IFT81: variants seen among roughly 807,000 people sequenced by gnomAD.
IFT81 encodes intraflagellar transport 81, also known as intraflagellar transport protein 81 homolog.
A neutral mutation model predicts 102.6 loss-of-function variants in IFT81; 72 were observed. That is an observed-to-expected ratio of 0.70 (90% CI 0.58 to 0.85). IFT81 has a LOEUF of 0.85. IFT81 is among the 40% of genes least tolerant of loss of function. The pLI is 0.00. For missense variants in IFT81, 723 were observed against 787.3 expected (o/e 0.92, Z 0.98); for synonymous variants, 237 against 242.7 (o/e 0.98, Z 0.22).
At chr12:110,160,287 C>T (rs749372749) in intron 10 of IFT81, among the ~76,000 whole-genome samples, 8 of 152,132 alleles carry the variant, frequency 5.3e-5, no homozygotes, top group Non-Finnish European at 1.2e-4. Context: ...AATCCAATAG[C>T]GGCTCAGTCC....
chr12:110,135,219 G>A, intron 6 of IFT81, 108 bp from the exon 7 acceptor site: 1 of 757,068 alleles, frequency 1.3e-6, no homozygotes, highest in Non-Finnish European at 2.2e-6. Flanking sequence ...TCTCTAGGGA[G>A]TACTGTTTAC....
At chr12:110,199,253 T>G (rs1898152206) in intron 14 of IFT81, among the ~76,000 whole-genome samples, 1 of 152,224 alleles carries the variant, frequency 6.6e-6, no homozygotes. Context: ...TCACTCCTAA[T>G]GAATTGATTT....
intron 8 of IFT81, among the ~76,000 whole-genome samples, chr12:110,141,290 G>A (rs1894874203): frequency 6.6e-6 from 1 of 150,494 alleles, no homozygotes; most frequent in Non-Finnish European, 1.5e-5. Context: ...CGCCTGCCTT[G>A]GCCTCTCAAA....
At chr12:110,159,912 C>G (rs1372328611) in intron 10 of IFT81, among the ~76,000 whole-genome samples, 1 of 152,196 alleles carries the variant, frequency 6.6e-6, no homozygotes, top group African/African-American at 2.4e-5. Flanking sequence ...ACTGTCCAAG[C>G]TTTCCACTGG....
At chr12:110,177,496 C>T (rs1593339577) in intron 11 of IFT81, among the ~76,000 whole-genome samples, 3 of 152,164 alleles carry the variant, frequency 2.0e-5, no homozygotes, top group African/African-American at 4.8e-5. Flanking sequence ...ACTGGCCAGG[C>T]TGGTCTCAAA....
intron 11 of IFT81, among the ~76,000 whole-genome samples, chr12:110,177,352 G>A (rs1414089628): frequency 1.3e-5 from 2 of 152,030 alleles, no homozygotes; most frequent in Non-Finnish European, 2.9e-5. Context: ...GCACAATCTC[G>A]GCTCACTGCA....
At chr12:110,176,674 A>G (rs1593338720) in intron 11 of IFT81, among the ~76,000 whole-genome samples, 3 of 152,248 alleles carry the variant, frequency 2.0e-5, no homozygotes, top group African/African-American at 4.8e-5. Context: ...TAATTCTGGA[A>G]TAGTAGAGCC....
chr12:110,171,467 G>A lies in IFT81; in HGVS notation c.1188+8402G>A, dbSNP rs561865421. ...GATTTCTACCCGCATATATCATATCGATTATTACAGACTCTCTTAAAAGAC... is the reference window on the plus strand; with the variant it reads ...GATTTCTACCCGCATATATCATATCAATTATTACAGACTCTCTTAAAAGAC... On this transcript the variant is annotated intron_variant, in intron 11 of 18. Transcript: ENST00000242591. Among the ~76,000 whole-genome samples, 4 of 152,144 alleles carry A rather than the reference G, an allele frequency of 2.6e-5. No individual in the cohort carries two copies. The East Asian group carries it at 7.7e-4, about 29-fold the overall frequency.
At chr12:110,187,757 G>C (rs1454460393) in intron 12 of IFT81, among the ~76,000 whole-genome samples, 3 of 151,852 alleles carry the variant, frequency 2.0e-5, no homozygotes, top group African/African-American at 7.3e-5. Flanking sequence ...TTTTTGTTTT[G>C]TTTTGTTTTT....
rs1180876672 is a variant in IFT81 at position 110,127,368 on chromosome 12, A to G, written c.-13A>G. ...CTATTTTTACTCTTTAGTTAAAATT[A>G]TAAGACCTAATTATGAGTGATCAAA... On this transcript the variant is annotated 5_prime_UTR_variant, in exon 2 of 19. Transcript: ENST00000242591. 5 of 1,520,662 alleles carry G rather than the reference A, an allele frequency of 3.3e-6. No homozygotes were observed. Among genetic ancestry groups the G allele is most frequent in the Non-Finnish European group, 4.4e-6 (5 of 1,141,226 alleles). 94.2% of individuals were successfully genotyped at this position (1,520,662 alleles called of 1,614,324 possible).
intron 14 of IFT81, among the ~76,000 whole-genome samples, chr12:110,197,975 G>T (rs1898090745): frequency 6.6e-6 from 1 of 152,146 alleles, no homozygotes. Flanking sequence ...GCCTCCCAAA[G>T]TACTGGGATT....
At chr12:110,157,701 G>A (rs972090637) in intron 10 of IFT81, among the ~76,000 whole-genome samples, 3 of 152,126 alleles carry the variant, frequency 2.0e-5, no homozygotes, top group African/African-American at 7.2e-5. Flanking sequence ...CTTAGGCTCT[G>A]TTCACTTTTC....
chr12:110,205,680 G>T lies in IFT81; in HGVS notation c.1802G>T (p.Arg601Met). ...CAACAAGAAAAAAGAAAGGCAATTA[G>T]GCAAGTGATTTTGTTGTTTTATATT... The part of the protein sequence containing the change: ...SDQQEKRKAI[R>M]EQYTKNTAEQ... Residue 601 changes from arginine to methionine, a missense_variant and splice_region_variant, in exon 17 of 19, where the codon AGG becomes ATG. Physicochemically the swap from Arg to Met is moderately conservative, Grantham distance 91. Transcript: ENST00000242591. 6.4e-7 allele frequency: 1 copy of T among 1,570,290 alleles called. No homozygotes were observed. Among genetic ancestry groups the T allele is most frequent in the Non-Finnish European group, 8.6e-7 (1 of 1,160,886 alleles).
intron 12 of IFT81, among the ~76,000 whole-genome samples, chr12:110,190,494 G>A (rs1897743688): frequency 6.6e-6 from 1 of 151,756 alleles, no homozygotes; most frequent in Non-Finnish European, 1.5e-5. Flanking sequence ...TAAGCTCTGT[G>A]AGGGAAGGGA....
In IFT81 at chr12:110,135,446, A is replaced by G; in HGVS notation, c.696+9A>G. 1 of 1,452,444 alleles carries G rather than the reference A, an allele frequency of 6.9e-7. No individual in the cohort carries two copies. The highest frequency in any genetic ancestry group is 9.6e-7 in the Non-Finnish European group (1 of 1,038,352). The allele number at this position is 1,452,444 out of a possible 1,614,324, so 90.0% of individuals were successfully genotyped here. A position where few individuals can be genotyped will look rare whatever the true frequency, so the allele number is the denominator to read the frequency against. ...AGGAACAAAAGAATCAGGTATCCAC[A>G]TAAAAGTTTATATTCTCAGTATGAA... On this transcript the variant is annotated intron_variant, in intron 7 of 18. Transcript: ENST00000242591.
intron 14 of IFT81, among the ~76,000 whole-genome samples, chr12:110,197,789 C>T (rs1020513166): frequency 2.4e-4 from 36 of 151,736 alleles, no homozygotes; most frequent in African/African-American, 7.5e-4. Context: ...CTTGGCTCAC[C>T]GCAACTTCCG....
intron 11 of IFT81, among the ~76,000 whole-genome samples, chr12:110,176,762 A>G (rs1897051684): frequency 6.6e-6 from 1 of 152,376 alleles, no homozygotes; most frequent in South Asian, 2.1e-4. Flanking sequence ...CTCTTCCATT[A>G]GTTATTATAT....
chr12:110,194,031 A>G (rs921819249), intron 14 of IFT81, among the ~76,000 whole-genome samples: 3 of 152,210 alleles, frequency 2.0e-5, no homozygotes, highest in Non-Finnish European at 4.4e-5. Flanking sequence ...TCACATGGCT[A>G]GAGCAGCAAG....
chr12:110,168,266 AT>A (rs1896547095), intron 11 of IFT81: 1 of 152,654 alleles, frequency 6.6e-6, no homozygotes, highest in Admixed American at 6.5e-5. Context: ...CAGGAGTTGG[AT>A]TTAGCAGTCT....
Sources: allele counts gnomAD v4.1 joint callset (sites outside exome capture counted in the v4.1 genomes callset), GRCh38; gene constraint gnomAD v4.1.1; transcripts MANE v1.5; gene names NCBI Gene and HGNC (gene_info 2026-07-23, HGNC 2026-07-21).